EME2: variants seen among roughly 807,000 people sequenced by gnomAD.
The protein encoded by EME2 is structure-specific endonuclease subunit EME2.
Under a neutral mutation model 41.9 loss-of-function variants are expected in EME2, and 58 were observed. That is an observed-to-expected ratio of 1.38 (90% CI 1.12 to 1.72). The LOEUF is 1.72. EME2 is among the 40% of genes most tolerant of loss of function. The pLI, the probability that EME2 is intolerant of heterozygous loss-of-function variation, is 0.00. For missense variants in EME2, 695 were observed against 541.9 expected (o/e 1.28, Z -2.81); for synonymous variants, 334 against 239.3 (o/e 1.40, Z -3.65).
Position 1,776,114 on chromosome 16 carries a change from C to A in EME2, c.1016C>A (p.Ala339Asp). The change falls in exon 8 of 8, where the codon GCC (alanine) becomes GAC (aspartate). Residue 339 changes from alanine (A) to aspartate (D), a missense_variant. Physicochemically the swap from Ala to Asp is moderately radical, Grantham distance 126. Coordinates refer to ENST00000568449, the MANE Select transcript of EME2 (RefSeq NM_001257370.2). ...GAGCGGGAGCGCATGGGCCTCCTGG[C>A]CGACCTTCCTGTGCCGCCCAGTGAA... is the stretch of plus-strand genomic sequence containing the variant. ...STERERMGLL[A>D]DLPVPPSEGG... is the part of the protein sequence containing the mutation. 1.2e-6 allele frequency: 2 copies of A among 1,611,642 alleles called. No individual in the cohort carries two copies. Among genetic ancestry groups the A allele is most frequent in the Non-Finnish European group, 1.7e-6 (2 of 1,179,724 alleles).
chr16:1,773,463 G>A lies in EME2; in HGVS notation c.236G>A (p.Cys79Tyr), dbSNP rs190213042. 5 of 1,578,976 alleles carry A rather than the reference G, an allele frequency of 3.2e-6. No homozygotes were observed. In the South Asian group the frequency reaches 4.5e-5, roughly 14 times the overall value. ...PEQVLKRLAV[C>Y]VDTAILEDAG... Reference sequence around the variant, plus strand: ...CAGGTCCTGAAGCGCCTCGCGGTGTGCGTGGACACAGGTGCGGCGGAGGGC... The same window carrying A: ...CAGGTCCTGAAGCGCCTCGCGGTGTACGTGGACACAGGTGCGGCGGAGGGC... The change falls in exon 1 of 8, where the codon TGC (cysteine) becomes TAC (tyrosine). Residue 79 changes from cysteine (C) to tyrosine (Y), a missense_variant. Coordinates refer to ENST00000568449, the MANE Select transcript of EME2 (RefSeq NM_001257370.2).
rs531529878 is a variant in EME2 at position 1,776,097 on chromosome 16, G to C, written c.999G>C (p.Glu333Asp). 1 of 1,611,028 alleles carries C rather than the reference G, an allele frequency of 6.2e-7. No homozygotes were observed. Among genetic ancestry groups the C allele is most frequent in the African/African-American group, 1.3e-5 (1 of 75,068 alleles). The change falls in exon 8 of 8, where the codon GAG becomes GAC. Residue 333 changes from glutamate (E) to aspartate (D), a missense_variant. Physicochemically the swap from Glu to Asp is conservative, Grantham distance 45. Coordinates refer to ENST00000568449, the MANE Select transcript of EME2 (RefSeq NM_001257370.2). ...QALEACSTER[E>D]RMGLLADLPV... is the part of the protein sequence containing the mutation. ...TGGAGGCCTGCAGCACGGAGCGGGA[G>C]CGCATGGGCCTCCTGGCCGACCTTC... is the stretch of plus-strand genomic sequence containing the variant.
At chr16:1,773,604 T>G in intron 1 of EME2, 101 bp from the exon 2 acceptor site, 1 of 1,530,234 alleles carries the variant, frequency 6.5e-7, no homozygotes, top group Non-Finnish European at 8.8e-7. Context: ...CAGTCGGGGG[T>G]TTGTGCCGAA....
In EME2 at chr16:1,781,125, G is replaced by A; in HGVS notation, c.*4887G>A. 2.1e-6 allele frequency: 3 copies of A among 1,463,062 alleles called. No individual in the cohort carries two copies. The highest frequency in any genetic ancestry group is 2.7e-6 in the Non-Finnish European group (3 of 1,093,438). 90.6% of individuals were successfully genotyped at this position (1,463,062 alleles called of 1,614,324 possible). A position where few individuals can be genotyped will look rare whatever the true frequency, so the allele number is the denominator to read the frequency against. On this transcript the variant is annotated 3_prime_UTR_variant, in exon 8 of 8. Coordinates refer to ENST00000568449, the MANE Select transcript of EME2 (RefSeq NM_001257370.2). ...CAGAGGAGAAAGCACAGTGAAGAAT[G>A]CAGTGTGTTCTGAGGTCCTGTCACC...
chr16:1,778,546 C>T lies in EME2; in HGVS notation c.*2308C>T, dbSNP rs1388681083. 7 of 1,608,062 alleles carry T rather than the reference C, an allele frequency of 4.4e-6. No homozygotes were observed. Among genetic ancestry groups the T allele is most frequent in the Admixed American group, 1.7e-5 (1 of 59,894 alleles). On this transcript the variant is annotated 3_prime_UTR_variant, in exon 8 of 8. Transcript: ENST00000568449. ...CAGTCACAGAAGGACTCGCCGGTCA[C>T]GGGCACCGCACTGGGGATGGATGGC...
In EME2 at chr16:1,776,306, AGGACCCCCAGCCACATGT is replaced by A. The variant is rs2042712394; in HGVS notation, c.*75_*92del. 1.3e-6 allele frequency: 2 copies of A among 1,516,102 alleles called. No homozygotes were observed. The highest frequency in any genetic ancestry group is 1.8e-6 in the Non-Finnish European group (2 of 1,106,302). The allele number at this position is 1,516,102 out of a possible 1,614,324, so 93.9% of individuals were successfully genotyped here. ...GACCAGACACCCTGGGCGGTGGGGG[AGGACCCCCAGCCACATGT>A]GGACCCTCAGCCTGGGTGGGTTCTC... On this transcript the variant is annotated 3_prime_UTR_variant, in exon 8 of 8. Coordinates refer to ENST00000568449, the MANE Select transcript of EME2 (RefSeq NM_001257370.2).
rs1411446434 is a variant in EME2, at chr16:1,781,196, A to G, written c.*4958A>G. 6.4e-6 allele frequency: 10 copies of G among 1,551,770 alleles called. No individual in the cohort carries two copies. Among genetic ancestry groups the G allele is most frequent in the Non-Finnish European group, 8.7e-6 (10 of 1,155,334 alleles). On this transcript the variant is annotated 3_prime_UTR_variant, in exon 8 of 8. Transcript: ENST00000568449. ...TTGCCAAATTAAAGAGTCTTACTGAATGCGGTGCATCCAGGAGACAGGCCC... is the reference window on the plus strand; with the variant it reads ...TTGCCAAATTAAAGAGTCTTACTGAGTGCGGTGCATCCAGGAGACAGGCCC...
chr16:1,776,370 C>A lies in EME2; in HGVS notation c.*132C>A. 2 of 807,896 alleles carry A rather than the reference C, an allele frequency of 2.5e-6. No homozygotes were observed. The highest frequency in any genetic ancestry group is 2.0e-6 in the Non-Finnish European group (1 of 505,990). 50.0% of individuals were successfully genotyped at this position (807,896 alleles called of 1,614,324 possible). On this transcript the variant is annotated 3_prime_UTR_variant, in exon 8 of 8. Coordinates refer to ENST00000568449, the MANE Select transcript of EME2 (RefSeq NM_001257370.2). ...TTCTCTGGCTGAGCAGGTCTGACCT[C>A]AGGGGAAGGGTGGGTGGTTGCAGGG...
Position 1,776,775 on chromosome 16 carries a change from G to A in EME2, c.*537G>A, listed in dbSNP as rs772822427. 1.7e-4 allele frequency: 74 copies of A among 442,438 alleles called. No individual in the cohort carries two copies. The highest frequency in any genetic ancestry group is 9.4e-4 in the African/African-American group (47 of 50,254). The allele number at this position is 442,438 out of a possible 1,614,324, so 27.4% of individuals were successfully genotyped here. ...TTAAGTCTATGACGGCGGGGCAGCCGCTGACAGCATGCAGAGCAAGTTAGG... is the reference window on the plus strand; with the variant it reads ...TTAAGTCTATGACGGCGGGGCAGCCACTGACAGCATGCAGAGCAAGTTAGG... On this transcript the variant is annotated 3_prime_UTR_variant, in exon 8 of 8. Coordinates refer to ENST00000568449, the MANE Select transcript of EME2 (RefSeq NM_001257370.2).
rs1486218755 is a variant in EME2, at chr16:1,777,239, A to G, written c.*1001A>G. The G allele has an allele frequency of 6.2e-7, 1 of 1,610,682 alleles. No homozygotes were observed. The highest frequency in any genetic ancestry group is 1.3e-5 in the African/African-American group (1 of 74,872). Reference sequence around the variant, plus strand: ...CAGGACCCAGCCCAGCTTGTTGTGTAGCACCTGCTTGAGGCCCGGCGGCAG... The same window carrying G: ...CAGGACCCAGCCCAGCTTGTTGTGTGGCACCTGCTTGAGGCCCGGCGGCAG... On this transcript the variant is annotated 3_prime_UTR_variant, in exon 8 of 8. Transcript: ENST00000568449.
rs760567719 is a variant in EME2, at chr16:1,776,221, C to A, written c.1123C>A (p.Leu375Met). Residue 375 changes from leucine (L) to methionine (M), a missense_variant, in exon 8 of 8, where the codon CTG becomes ATG. Coordinates refer to ENST00000568449, the MANE Select transcript of EME2 (RefSeq NM_001257370.2). ...FLTTANPDLL[L>M]DLGS ...GACCACAGCCAACCCTGATCTCCTG[C>A]TGGACCTGGGCTCCTGACCACACGT... The A allele has an allele frequency of 9.9e-6, 16 of 1,612,532 alleles. No individual in the cohort carries two copies. The South Asian group carries it at 1.8e-4, about 18-fold the overall frequency.
Position 1,777,018 on chromosome 16 carries a change from GGAAGGAAGGGACAGA to G in EME2, c.*784_*798del. ...TCCAACTCCGCCCTGGAGTGTGGCT[GGAAGGAAGGGACAGA>G]GAAAGAAGGGACAGAGGAAAGGGGC... is the stretch of plus-strand genomic sequence containing the variant. On this transcript the variant is annotated 3_prime_UTR_variant, in exon 8 of 8. Coordinates refer to ENST00000568449, the MANE Select transcript of EME2 (RefSeq NM_001257370.2). The G allele has an allele frequency of 1.3e-6, 2 of 1,496,532 alleles. No homozygotes were observed. Among genetic ancestry groups the G allele is most frequent in the East Asian group, 2.3e-5 (1 of 44,014 alleles). 92.7% of individuals were successfully genotyped at this position (1,496,532 alleles called of 1,614,324 possible).
chr16:1,774,436 C>T, intron 3 of EME2, 84 bp downstream of exon 3: 1 of 1,151,730 alleles, frequency 8.7e-7, no homozygotes. Context: ...CGGTCCCTGC[C>T]CCTGTAGACG....
rs1226493669 is a variant in EME2, at chr16:1,778,518, G to A, written c.*2280G>A. ...ACAGAAGGAGGCCTCGCTCTGCCCA[G>A]CACAGTCACAGAAGGACTCGCCGGT... On this transcript the variant is annotated 3_prime_UTR_variant, in exon 8 of 8. Coordinates refer to ENST00000568449, the MANE Select transcript of EME2 (RefSeq NM_001257370.2). 3 of 1,611,636 alleles carry A rather than the reference G, an allele frequency of 1.9e-6. No homozygotes were observed. The highest frequency in any genetic ancestry group is 2.5e-6 in the Non-Finnish European group (3 of 1,179,404).
chr16:1,779,692 C>T lies in EME2; in HGVS notation c.*3454C>T, dbSNP rs1896648435. The T allele has an allele frequency of 6.6e-6, 1 of 152,418 alleles. No homozygotes were observed. Among genetic ancestry groups the T allele is most frequent in the African/African-American group, 2.4e-5 (1 of 41,462 alleles). 9.4% of individuals were successfully genotyped at this position (152,418 alleles called of 1,614,324 possible). A position where few individuals can be genotyped will look rare whatever the true frequency, so the allele number is the denominator to read the frequency against. Reference sequence around the variant, plus strand: ...GCACTGCAGGCCCAGGGCCGGGTTCCCTGGAGAAGGAGAAAGACTGAAGCC... The same window carrying T: ...GCACTGCAGGCCCAGGGCCGGGTTCTCTGGAGAAGGAGAAAGACTGAAGCC... On this transcript the variant is annotated 3_prime_UTR_variant, in exon 8 of 8. Coordinates refer to ENST00000568449, the MANE Select transcript of EME2 (RefSeq NM_001257370.2).
In EME2 at chr16:1,777,073, A is replaced by G; in HGVS notation, c.*835A>G. On this transcript the variant is annotated 3_prime_UTR_variant, in exon 8 of 8. Coordinates refer to ENST00000568449, the MANE Select transcript of EME2 (RefSeq NM_001257370.2). ...AGGAAAGGGGCTGTCCCAGCCCAAG[A>G]AGGCAGTTCCACTGGGAAGTCAGTC... is the stretch of plus-strand genomic sequence containing the variant. 1 of 1,604,374 alleles carries G rather than the reference A, an allele frequency of 6.2e-7. No homozygotes were observed. The highest frequency in any genetic ancestry group is 2.2e-5 in the East Asian group (1 of 44,764).
rs919846651 is a variant in EME2 at position 1,775,698 on chromosome 16, A to G, written c.779+14A>G. ...GTATCCCCTCAAGTGCGTGATGCCA[A>G]GGCTGAAGGGGGGCAGGATCACCTC... is the stretch of plus-strand genomic sequence containing the variant. On this transcript the variant is annotated intron_variant, in intron 6 of 7. Transcript: ENST00000568449. 1 of 1,612,892 alleles carries G rather than the reference A, an allele frequency of 6.2e-7. No homozygotes were observed. The highest frequency in any genetic ancestry group is 8.5e-7 in the Non-Finnish European group (1 of 1,179,982).
In EME2 at chr16:1,778,299, G is replaced by C. The variant is rs1300261322; in HGVS notation, c.*2061G>C. ...GCAGGGTGGCTGATGACTTATTTAA[G>C]TCATCCCAGACCCAGTCGAAATCTG... On this transcript the variant is annotated 3_prime_UTR_variant, in exon 8 of 8. Coordinates refer to ENST00000568449, the MANE Select transcript of EME2 (RefSeq NM_001257370.2). 1 of 1,612,500 alleles carries C rather than the reference G, an allele frequency of 6.2e-7. No homozygotes were observed.
chr16:1,773,793 C>A lies in EME2; in HGVS notation c.336C>A (p.Ala112=), dbSNP rs1286187609. 6.4e-7 allele frequency: 1 copy of A among 1,554,976 alleles called. No homozygotes were observed. The highest frequency in any genetic ancestry group is 1.4e-5 in the African/African-American group (1 of 73,372). ...CECRIEPQRP[A]RSLRWTRASP... ...GCCGCATCGAGCCCCAGCGCCCGGC[C>A]CGCAGCCTGCGGTGGACCCGAGCGA... The change falls in exon 2 of 8, where the codon GCC becomes GCA. Residue 112 remains alanine, a synonymous_variant. Coordinates refer to ENST00000568449, the MANE Select transcript of EME2 (RefSeq NM_001257370.2).
Sources: allele counts gnomAD v4.1 joint callset, GRCh38; gene constraint gnomAD v4.1.1; transcripts MANE v1.5; gene names NCBI Gene and HGNC (gene_info 2026-07-23, HGNC 2026-07-21).